The following DHRSX variants were observed in gnomAD, a reference collection of about 807,000 sequenced individuals.
The protein encoded by DHRSX is dehydrogenase/reductase X-linked.
DHRSX carries 31 observed loss-of-function variants against 34.0 expected under a neutral mutation model. The ratio of observed to expected loss-of-function variants is 0.91; its 90% CI spans 0.69 to 1.23. The LOEUF is 1.23. DHRSX is among the 50% of genes most tolerant of loss of function. DHRSX has a pLI of 0.00. For missense variants in DHRSX, 414 were observed against 428.1 expected (o/e 0.97, Z 0.29); for synonymous variants, 201 against 183.8 (o/e 1.09, Z -0.76).
chrX:2,452,651 T>C (rs767256325), intron 1 of DHRSX, among the ~76,000 whole-genome samples: 1 of 151,996 alleles, frequency 6.6e-6, no homozygotes, highest in East Asian at 1.9e-4. Flanking sequence ...ACTGCCACTG[T>C]GTACGCGCGG....
chrX:2,498,625 G>GA (rs10624636), intron 1 of DHRSX, among the ~76,000 whole-genome samples: 33,767 of 128,646 alleles, frequency 0.26, 4,355 homozygotes, highest in South Asian at 0.32. Flanking sequence ...CAGTAAATGG[G>GA]AAAAAAAAAA....
At chrX:2,433,012 A>G (rs2090240809) in intron 1 of DHRSX, among the ~76,000 whole-genome samples, 1 of 151,976 alleles carries the variant, frequency 6.6e-6, no homozygotes, top group African/African-American at 2.4e-5. Flanking sequence ...TAGTTCCAGC[A>G]AGCTGGGAGG....
At chrX:2,481,450 G>A (rs1487816286) in intron 1 of DHRSX, among the ~76,000 whole-genome samples, 2 of 152,022 alleles carry the variant, frequency 1.3e-5, no homozygotes, top group African/African-American at 2.4e-5. Flanking sequence ...TGGATCACCT[G>A]AGGTCAGGAG....
chrX:2,482,416 A>AC (rs1415974168), intron 1 of DHRSX, among the ~76,000 whole-genome samples: 2 of 151,928 alleles, frequency 1.3e-5, no homozygotes, highest in Non-Finnish European at 1.5e-5. Flanking sequence ...AGCATGAGCC[A>AC]CCACACCCAG....
At chrX:2,363,528 G>A (rs1331687452) in intron 3 of DHRSX, among the ~76,000 whole-genome samples, 3 of 145,958 alleles carry the variant, frequency 2.1e-5, no homozygotes, top group African/African-American at 5.2e-5. Context: ...TTTTATCACC[G>A]TTCTATGATA....
chrX:2,369,291 C>T (rs1169653191), intron 3 of DHRSX, among the ~76,000 whole-genome samples: 1 of 152,152 alleles, frequency 6.6e-6, no homozygotes, highest in Non-Finnish European at 1.5e-5. Context: ...ACAGCAGGTA[C>T]TGTGATTCAG....
chrX:2,490,183 G>A (rs370752942), intron 1 of DHRSX: 17 of 1,613,954 alleles, frequency 1.1e-5, no homozygotes, highest in Admixed American at 6.7e-5. Context: ...CCTCCCGGAC[G>A]GCCCCGTACT....
rs1408408801 is a variant in DHRSX, at chrX:2,266,915, TG to T, written c.420del (p.Arg141GlufsTer10). On this transcript the variant is annotated frameshift_variant, in exon 5 of 7. Transcript: ENST00000334651. LOFTEE classifies it high-confidence loss of function. ...CCGAAATGTTCTTCGAATCCATCTC[TG>T]GTTTTCCTCTGAGGGACCATCATCA... ...AGVMMVPQRKTRDGFEEHFGL... is the reference protein window; with the variant it reads ...AGVMMVPQRKXRDGFEEHFGL... 6.2e-7 allele frequency: 1 copy of T among 1,613,956 alleles called. No individual in the cohort carries two copies. Among genetic ancestry groups the T allele is most frequent in the South Asian group, 1.1e-5 (1 of 91,074 alleles).
At chrX:2,460,758 T>C (rs2044391899) in intron 1 of DHRSX, among the ~76,000 whole-genome samples, 1 of 152,080 alleles carries the variant, frequency 6.6e-6, no homozygotes. Context: ...AATTTTTTTA[T>C]TGTTACTAGA....
intron 3 of DHRSX, among the ~76,000 whole-genome samples, chrX:2,373,034 T>C (rs1470952369): frequency 6.6e-6 from 1 of 152,200 alleles, no homozygotes; most frequent in Non-Finnish European, 1.5e-5. Flanking sequence ...AGAGCTTTAA[T>C]GGACTCACAG....
intron 3 of DHRSX, among the ~76,000 whole-genome samples, chrX:2,297,058 TGCAA>T (rs1297850465): frequency 6.6e-6 from 1 of 151,392 alleles, no homozygotes; most frequent in South Asian, 2.1e-4. Context: ...AGGCAGGCAC[TGCAA>T]GCTGTGAGCA....
At chrX:2,337,314 C>T (rs1340225767) in intron 3 of DHRSX, among the ~76,000 whole-genome samples, 1 of 152,040 alleles carries the variant, frequency 6.6e-6, no homozygotes, top group Non-Finnish European at 1.5e-5. Flanking sequence ...TTCTTTCACA[C>T]GAGTAGTGTT....
At chrX:2,345,578 T>C (rs372555887) in intron 3 of DHRSX, among the ~76,000 whole-genome samples, 27 of 147,514 alleles carry the variant, frequency 1.8e-4, no homozygotes, top group African/African-American at 5.1e-4. Context: ...ACCTGGGAGA[T>C]AGAAGTTGCA....
Position 2,238,435 on chromosome X carries a change from C to T in DHRSX, c.804+4588G>A, listed in dbSNP as rs184736144. Among the ~76,000 whole-genome samples the T allele has an allele frequency of 9.8e-3, 1,493 of 152,216 alleles. 23 individuals carry two copies. The highest frequency in any genetic ancestry group is 0.034 in the African/African-American group (1,423 of 41,544). ...AGGTTACTGGCCGTGAATTTGGAAT[C>T]GAGTCCATGTGTTCTGATGAGACAG... On this transcript the variant is annotated intron_variant, in intron 6 of 6. Coordinates refer to ENST00000334651, the MANE Select transcript of DHRSX (RefSeq NM_145177.3).
At chrX:2,379,056 C>T (rs1003272793) in intron 3 of DHRSX, among the ~76,000 whole-genome samples, 33 of 152,122 alleles carry the variant, frequency 2.2e-4, no homozygotes, top group Non-Finnish European at 4.3e-4. Flanking sequence ...TCACTGTCTC[C>T]CATTACCCCT....
At chrX:2,398,049 T>C (rs2043436680) in intron 3 of DHRSX, among the ~76,000 whole-genome samples, 1 of 151,810 alleles carries the variant, frequency 6.6e-6, no homozygotes, top group African/African-American at 2.4e-5. Context: ...AACAGGCTGA[T>C]ATATTCAGGG....
chrX:2,400,590 AG>A (rs1300582774), intron 3 of DHRSX, among the ~76,000 whole-genome samples: 4 of 152,228 alleles, frequency 2.6e-5, no homozygotes, highest in Admixed American at 2.0e-4. Context: ...TCAGAGACTC[AG>A]AAGATACCTG....
chrX:2,266,316 A>G (rs552871375), intron 5 of DHRSX, among the ~76,000 whole-genome samples: 494 of 55,636 alleles, frequency 8.9e-3, no homozygotes, highest in African/African-American at 9.8e-3. Flanking sequence ...CAGAGCACCA[A>G]TGCTCGGCAG....
At chrX:2,311,048 C>T (rs1335582522) in intron 3 of DHRSX, among the ~76,000 whole-genome samples, 3 of 117,990 alleles carry the variant, frequency 2.5e-5, no homozygotes, top group Non-Finnish European at 5.2e-5. Flanking sequence ...ATGAGAAGAA[C>T]AACACTCTGT....
Sources: allele counts gnomAD v4.1 joint callset (sites outside exome capture counted in the v4.1 genomes callset), GRCh38; gene constraint gnomAD v4.1.1; transcripts MANE v1.5; gene names NCBI Gene and HGNC (gene_info 2026-07-23, HGNC 2026-07-21).